NRXN1: variants seen among roughly 807,000 people sequenced by gnomAD.
NRXN1 encodes the protein neurexin 1.
Under a neutral mutation model 150.9 loss-of-function variants are expected in NRXN1, and 39 were observed. The observed-to-expected ratio is 0.26, with a 90% CI of 0.20 to 0.34. The LOEUF is 0.34. NRXN1 is among the 10% of genes least tolerant of loss of function. The probability of loss-of-function intolerance (pLI) is 1.00; values close to 1 mark genes in which losing one functional copy is unlikely to be tolerated. For missense variants in NRXN1, 1,815 were observed against 1,949.9 expected (o/e 0.93, Z 1.30); for synonymous variants, 924 against 757.0 (o/e 1.22, Z -3.62).
chr2:50,898,637 C>A (rs528002843), intron 5 of NRXN1: 1 of 452,522 alleles, frequency 2.2e-6, no homozygotes, highest in Admixed American at 2.5e-5. Flanking sequence ...TTCAATTGTT[C>A]TACAATCTAA....
At chr2:50,281,006 T>A (rs776660427) in intron 17 of NRXN1, among the ~76,000 whole-genome samples, 8 of 151,998 alleles carry the variant, frequency 5.3e-5, no homozygotes, top group Non-Finnish European at 8.8e-5. Context: ...TTATTTTTTA[T>A]TAAAAAATCC....
intron 17 of NRXN1, among the ~76,000 whole-genome samples, chr2:50,384,232 T>C (rs1416497941): frequency 6.6e-6 from 1 of 152,028 alleles, no homozygotes; most frequent in African/African-American, 2.4e-5. Context: ...CTCAGCCGGG[T>C]GCGGTGGCTC....
chr2:49,955,358 A>G (rs1256406515), intron 21 of NRXN1, among the ~76,000 whole-genome samples: 1 of 152,188 alleles, frequency 6.6e-6, no homozygotes, highest in Non-Finnish European at 1.5e-5. Flanking sequence ...AGAAGTAACA[A>G]TGAAACTTTC....
At chr2:50,458,256 G>A (rs1374825880) in intron 17 of NRXN1, among the ~76,000 whole-genome samples, 2 of 152,104 alleles carry the variant, frequency 1.3e-5, no homozygotes, top group African/African-American at 4.8e-5. Flanking sequence ...AGTGAATAGA[G>A]TAGAATAGGT....
chr2:51,027,703 A>G lies in NRXN1; in HGVS notation c.571T>C (p.Ser191Pro). Reference sequence around the variant, plus strand: ...CTGTCCACGGGCAGGACCTGCGAGGAGTTGACCCTCACGTCACGAATCCAC... The same window carrying G: ...CTGTCCACGGGCAGGACCTGCGAGGGGTTGACCCTCACGTCACGAATCCAC... ...KGWIRDVRVN[S>P]SQVLPVDSGE... The change falls in exon 2 of 23, where the codon TCC becomes CCC. Residue 191 changes from serine (S) to proline (P), a missense_variant. Ser to Pro is a moderately conservative substitution (Grantham distance 74). Around this residue, in one of 6 missense-constraint regions of NRXN1, gnomAD observed 554 missense variants for 478.8 expected, o/e 1.16. Coordinates refer to ENST00000401669, the MANE Select transcript of NRXN1 (RefSeq NM_001330078.2). The G allele has an allele frequency of 5.6e-6, 9 of 1,607,868 alleles. No individual in the cohort carries two copies. The highest frequency in any genetic ancestry group is 6.8e-6 in the Non-Finnish European group (8 of 1,176,944).
chr2:50,720,189 C>T (rs1315356125), intron 5 of NRXN1, among the ~76,000 whole-genome samples: 2 of 151,972 alleles, frequency 1.3e-5, no homozygotes, highest in African/African-American at 4.8e-5. Flanking sequence ...TATATATTGT[C>T]TTTCAACTTT....
chr2:50,079,597 T>A (rs1316532353), intron 19 of NRXN1, among the ~76,000 whole-genome samples: 1 of 152,146 alleles, frequency 6.6e-6, no homozygotes, highest in Non-Finnish European at 1.5e-5. Context: ...CTTGAATGTA[T>A]ATTTTTCCTA....
At chr2:50,776,568 G>GTA (rs1703663211) in intron 5 of NRXN1, among the ~76,000 whole-genome samples, 3 of 150,620 alleles carry the variant, frequency 2.0e-5, no homozygotes, top group South Asian at 2.1e-4. Context: ...AATCTAATGT[G>GTA]TATATATATA....
intron 7 of NRXN1, 138 bp from the exon 8 acceptor site, chr2:50,620,321 G>T: frequency 3.9e-6 from 4 of 1,035,440 alleles, no homozygotes; most frequent in East Asian, 2.7e-5. Context: ...CTGTTTGTTT[G>T]GTTTTTGTTT....
At chr2:50,461,919 G>C (rs2088267022) in intron 17 of NRXN1, among the ~76,000 whole-genome samples, 1 of 151,886 alleles carries the variant, frequency 6.6e-6, no homozygotes, top group African/African-American at 2.4e-5. Context: ...GCAATGGTGA[G>C]GAAATTGGAA....
At chr2:50,790,516 G>A (rs1574485380) in intron 5 of NRXN1, among the ~76,000 whole-genome samples, 1 of 152,134 alleles carries the variant, frequency 6.6e-6, no homozygotes, top group East Asian at 1.9e-4. Flanking sequence ...AGCTACTCAG[G>A]AGGCTGAGGC....
At chr2:50,013,090 C>G (rs1685974453) in intron 21 of NRXN1, among the ~76,000 whole-genome samples, 2 of 152,062 alleles carry the variant, frequency 1.3e-5, no homozygotes, top group African/African-American at 4.8e-5. Context: ...CCTCTACTAA[C>G]AGTCACTCAA....
intron 17 of NRXN1, among the ~76,000 whole-genome samples, chr2:50,391,125 A>C (rs990154984): frequency 3.3e-5 from 5 of 152,110 alleles, no homozygotes; most frequent in African/African-American, 1.2e-4. Flanking sequence ...AAAACAGCAG[A>C]ATTAAAAGGT....
chr2:50,885,825 A>G (rs1185284598), intron 5 of NRXN1, among the ~76,000 whole-genome samples: 1 of 148,836 alleles, frequency 6.7e-6, no homozygotes, highest in Non-Finnish European at 1.5e-5. Context: ...CTATAAACAC[A>G]CACACACACA....
intron 18 of NRXN1, among the ~76,000 whole-genome samples, chr2:50,143,264 G>T (rs1304243967): frequency 6.6e-6 from 1 of 151,802 alleles, no homozygotes; most frequent in South Asian, 2.1e-4. Flanking sequence ...TATGCAAAGG[G>T]ACATGCAGAA....
chr2:50,750,085 G>A (rs532002335), intron 5 of NRXN1, among the ~76,000 whole-genome samples: 1 of 152,116 alleles, frequency 6.6e-6, no homozygotes, highest in African/African-American at 2.4e-5. Flanking sequence ...TGGGATGGGA[G>A]ATCTTATCAG....
chr2:50,871,300 T>C (rs1310537114), intron 5 of NRXN1, among the ~76,000 whole-genome samples: 1 of 151,916 alleles, frequency 6.6e-6, no homozygotes, highest in African/African-American at 2.4e-5. Flanking sequence ...TGTATGACAT[T>C]TTACAAAGCT....
At chr2:50,451,328 T>A (rs1469472908) in intron 17 of NRXN1, among the ~76,000 whole-genome samples, 1 of 152,194 alleles carries the variant, frequency 6.6e-6, no homozygotes, top group Non-Finnish European at 1.5e-5. Flanking sequence ...ATAAAAAGTA[T>A]AAATGTTTTC....
At chr2:50,991,230 A>C (rs2104988156) in intron 2 of NRXN1, among the ~76,000 whole-genome samples, 1 of 152,144 alleles carries the variant, frequency 6.6e-6, no homozygotes, top group South Asian at 2.1e-4. Context: ...CATCTAATGA[A>C]TATTATAATA....
Sources: gnomAD v4.1 joint callset for allele counts (sites outside exome capture counted in the v4.1 genomes callset) on GRCh38, gnomAD v4.1.1 for gene constraint, gnomAD v4.1.1 regional missense constraint, MANE v1.5 for transcripts, NCBI Gene and HGNC (gene_info 2026-07-23, HGNC 2026-07-21) for gene names.